PRKAR2A: variants seen among roughly 807,000 people sequenced by gnomAD.
PRKAR2A encodes the protein protein kinase cAMP-dependent type II regulatory subunit alpha.
PRKAR2A carries 29 observed loss-of-function variants against 51.9 expected under a neutral mutation model. That is an observed-to-expected ratio of 0.56 (90% confidence interval 0.42 to 0.76). The LOEUF (loss-of-function observed/expected upper bound fraction) is 0.76, where lower values mean the gene tolerates loss of function less well. Among genes scored for constraint, PRKAR2A ranks in the 30% least tolerant of loss-of-function variants. The pLI, the probability that PRKAR2A is intolerant of heterozygous loss-of-function variation, is 0.00. For synonymous variants in PRKAR2A, 178 were observed against 186.2 expected, an observed-to-expected ratio of 0.96 and a Z score of 0.36; for missense variants, 445 against 512.1, an observed-to-expected ratio of 0.87 and a Z score of 1.26.
rs2081571423 is a variant in PRKAR2A at position 48,747,123 on chromosome 3, C to T, written c.*4462G>A. Reference sequence around the variant, plus strand: ...AAGGAAACCTATGGGAAGGCTGCTTCCCATAAAATAGACAATAGAATCATT... The same window carrying T: ...AAGGAAACCTATGGGAAGGCTGCTTTCCATAAAATAGACAATAGAATCATT... On this transcript the variant is annotated 3_prime_UTR_variant, in exon 11 of 11. Transcript: ENST00000265563. 6.7e-6 allele frequency: 1 copy of T among 149,454 alleles called. No individual in the cohort carries two copies. Among genetic ancestry groups the T allele is most frequent in the East Asian group, 1.9e-4 (1 of 5,130 alleles). 9.3% of individuals were successfully genotyped at this position (149,454 alleles called of 1,614,324 possible). A position where few individuals can be genotyped will look rare whatever the true frequency, so the allele number is the denominator to read the frequency against.
downstream of PRKAR2A, among the ~76,000 whole-genome samples, chr3:48,745,294 C>T (rs2081552170): frequency 6.6e-6 from 1 of 151,916 alleles, no homozygotes; most frequent in South Asian, 2.1e-4. Flanking sequence ...CTTAGCCTCC[C>T]AAAGCACCTG....
intron 9 of PRKAR2A, 100 bp from the exon 10 acceptor site, chr3:48,752,417 T>C: frequency 8.0e-7 from 1 of 1,256,770 alleles, no homozygotes; most frequent in East Asian, 2.5e-5. Flanking sequence ...CTCTACACAA[T>C]TACTGAGGAA....
At chr3:48,762,365 A>T (rs781096595) in intron 8 of PRKAR2A, among the ~76,000 whole-genome samples, 1 of 152,244 alleles carries the variant, frequency 6.6e-6, no homozygotes, top group Non-Finnish European at 1.5e-5. Flanking sequence ...TTTAAGAAAC[A>T]GTTTGTTATG....
At chr3:48,779,679 C>T (rs1320330252) in intron 5 of PRKAR2A, among the ~76,000 whole-genome samples, 1 of 151,160 alleles carries the variant, frequency 6.6e-6, no homozygotes, top group East Asian at 1.9e-4. Flanking sequence ...ACTCAGGAGG[C>T]TATGGCAGGA....
rs989840295 is a variant in PRKAR2A at position 48,746,923 on chromosome 3, A to C, written c.*4662T>G. The stretch of plus-strand genomic sequence containing the variant: ...CCTTTGAGGTAGCACAATAATGCTG[A>C]ATTAGATTTATTTTATTACAGTGAG... On this transcript the variant is annotated 3_prime_UTR_variant, in exon 11 of 11. Coordinates refer to ENST00000265563, the MANE Select transcript of PRKAR2A (RefSeq NM_004157.4). 9 of 152,130 alleles carry C rather than the reference A, an allele frequency of 5.9e-5. No homozygotes were observed. The highest frequency in any genetic ancestry group is 2.2e-4 in the African/African-American group (9 of 41,426). 9.4% of individuals were successfully genotyped at this position (152,130 alleles called of 1,614,324 possible).
At chr3:48,788,411 G>GC (rs1271016731) in intron 4 of PRKAR2A, among the ~76,000 whole-genome samples, 2 of 152,116 alleles carry the variant, frequency 1.3e-5, no homozygotes, top group African/African-American at 4.8e-5. Context: ...TGATCTGCCT[G>GC]CCTCAGTCTC....
intron 1 of PRKAR2A, among the ~76,000 whole-genome samples, chr3:48,821,830 G>A (rs1223427583): frequency 6.6e-6 from 1 of 151,320 alleles, no homozygotes; most frequent in Non-Finnish European, 1.5e-5. Context: ...CAGCAGAATC[G>A]CTTGAACCTG....
chr3:48,788,993 T>C (rs750611523), intron 4 of PRKAR2A, among the ~76,000 whole-genome samples: 1 of 151,896 alleles, frequency 6.6e-6, no homozygotes, highest in Admixed American at 6.6e-5. Flanking sequence ...ACACCATTCC[T>C]AAGAAGCACT....
At chr3:48,765,724 C>CAAAA (rs756566818) in intron 6 of PRKAR2A, among the ~76,000 whole-genome samples, 525 of 44,256 alleles carry the variant, frequency 0.012, 11 homozygotes, top group Middle Eastern at 0.028. Context: ...ACCCTCATTT[C>CAAAA]AAAAAAAAAA....
chr3:48,797,864 T>C (rs1007922601), intron 2 of PRKAR2A, among the ~76,000 whole-genome samples: 1 of 152,218 alleles, frequency 6.6e-6, no homozygotes, highest in Admixed American at 6.5e-5. Context: ...CCAAGCATTT[T>C]TGTTTCCAGG....
intron 1 of PRKAR2A, among the ~76,000 whole-genome samples, chr3:48,808,340 G>A (rs866290217): frequency 3.3e-5 from 5 of 152,304 alleles, no homozygotes; most frequent in African/African-American, 1.2e-4. Flanking sequence ...TGCAAGCTCC[G>A]CCTCCCGGCT....
chr3:48,751,084 A>G lies in PRKAR2A; in HGVS notation c.*501T>C, dbSNP rs1047125601. On this transcript the variant is annotated 3_prime_UTR_variant, in exon 11 of 11. Transcript: ENST00000265563. ...ATCCACCACCATTTCCCACTGTAAA[A>G]CCAAAGGCTGCAACTGTGAACAAAT... The G allele has an allele frequency of 1.4e-5, 5 of 350,668 alleles. No individual in the cohort carries two copies. The East Asian group carries it at 3.7e-4, about 26-fold the overall frequency. 21.7% of individuals were successfully genotyped at this position (350,668 alleles called of 1,614,324 possible). A position where few individuals can be genotyped will look rare whatever the true frequency, so the allele number is the denominator to read the frequency against.
In PRKAR2A at chr3:48,847,203, A is replaced by G; in HGVS notation, c.262+132T>C. The G allele has an allele frequency of 1.7e-6, 2 of 1,182,264 alleles. No homozygotes were observed. The highest frequency in any genetic ancestry group is 2.5e-4 in the Middle Eastern group (1 of 4,078). The allele number at this position is 1,182,264 out of a possible 1,614,324, so 73.2% of individuals were successfully genotyped here. A position where few individuals can be genotyped will look rare whatever the true frequency, so the allele number is the denominator to read the frequency against. On this transcript the variant is annotated intron_variant, in intron 1 of 10. Transcript: ENST00000265563. This position sits in a 1 kb window ranked among gnomAD's most constrained non-coding sequence, Gnocchi z 4.4. ...CGCCGGTGTCTCAGGGAAACGCTAG[A>G]AACGCGGCTACAGAGCTCCCAATCC...
intron 6 of PRKAR2A, among the ~76,000 whole-genome samples, chr3:48,771,431 T>C (rs2082027346): frequency 6.6e-6 from 1 of 152,072 alleles, no homozygotes; most frequent in Admixed American, 6.6e-5. Flanking sequence ...TTGCTTGAGC[T>C]CAGGAGGTCA....
chr3:48,787,668 C>T (rs1439799756), intron 4 of PRKAR2A, among the ~76,000 whole-genome samples: 2 of 152,204 alleles, frequency 1.3e-5, no homozygotes, highest in African/African-American at 2.4e-5. Flanking sequence ...AAACAGCTAA[C>T]ACAGACCACT....
At position 48,756,773 on chromosome 3, in the gene PRKAR2A, A is replaced by T. The variant is rs920370940; in HGVS notation, c.874-329T>A. ...GAACAAACACCATCTACATCAGATA[A>T]CGCATTATTACTCATGCACTCTCAC... On this transcript the variant is annotated intron_variant, in intron 8 of 10. Coordinates refer to ENST00000265563, the MANE Select transcript of PRKAR2A (RefSeq NM_004157.4). 2.9e-4 allele frequency among the ~76,000 whole-genome samples: 44 copies of T among 152,322 alleles called. 1 individual carries two copies. The highest frequency in any genetic ancestry group is 2.8e-3 in the Admixed American group (43 of 15,302).
intron 4 of PRKAR2A, among the ~76,000 whole-genome samples, chr3:48,788,160 A>G (rs1394047726): frequency 6.6e-6 from 1 of 152,122 alleles, no homozygotes; most frequent in Non-Finnish European, 1.5e-5. Context: ...CCTCCCGAGT[A>G]GCTGAGACTA....
chr3:48,842,271 G>C (rs2083393402), intron 1 of PRKAR2A, among the ~76,000 whole-genome samples: 1 of 152,182 alleles, frequency 6.6e-6, no homozygotes, highest in African/African-American at 2.4e-5. Context: ...TTTGTATCCT[G>C]AGACTTTGCT....
intron 2 of PRKAR2A, among the ~76,000 whole-genome samples, chr3:48,804,804 A>T (rs1406521692): frequency 2.0e-5 from 3 of 152,216 alleles, no homozygotes; most frequent in East Asian, 3.8e-4. Context: ...AAGGCCAGAC[A>T]TTGGAAGAAT....
Sources: allele counts gnomAD v4.1 joint callset (sites outside exome capture counted in the v4.1 genomes callset), GRCh38; gene constraint gnomAD v4.1.1; non-coding constraint Gnocchi (gnomAD v3.1); transcripts MANE v1.5; gene names NCBI Gene and HGNC (gene_info 2026-07-23, HGNC 2026-07-21).